Variants in EIF4G2 observed in about 807,000 individuals in gnomAD.
EIF4G2 encodes the protein DAP-5.
Under a neutral mutation model 117.7 loss-of-function variants are expected in EIF4G2, and 8 were observed. That is an observed-to-expected ratio of 0.07 (90% CI 0.04 to 0.12). EIF4G2 has a LOEUF of 0.12. Among genes scored for constraint, EIF4G2 ranks in the 10% least tolerant of loss-of-function variants. The pLI is 1.00. For missense variants in EIF4G2, 812 were observed against 1,086.2 expected (o/e 0.75, Z 3.55); for synonymous variants, 413 against 367.8 (o/e 1.12, Z -1.41).
At chr11:10,799,478 GAC>G in intron 19 of EIF4G2, 54 bp from the exon 20 acceptor site, 1 of 1,610,286 alleles carries the variant, frequency 6.2e-7, no homozygotes, top group Non-Finnish European at 8.5e-7. Flanking sequence ...TTGCTCAAGA[GAC>G]AACTCTTAGT....
chr11:10,798,382 TA>T (rs1332616220), intron 21 of EIF4G2, among the ~76,000 whole-genome samples: 3 of 152,170 alleles, frequency 2.0e-5, no homozygotes, highest in African/African-American at 7.2e-5. Context: ...TAGAAAAATA[TA>T]TAGTATTTAA....
Position 10,799,365 on chromosome 11 carries a change from G to A in EIF4G2, c.2384C>T (p.Ser795Phe), listed in dbSNP as rs1308273204. ...CTCTAACTGTTCTTTGGAAGGAGCA[G>A]AGGATGAATCTGTTTCATCGCTGGG... Residue 795 changes from serine to phenylalanine, a missense_variant, in exon 20 of 22, where the codon TCT becomes TTT. By Grantham distance (155) the Ser-to-Phe change is radical. Coordinates refer to ENST00000339995, the MANE Select transcript of EIF4G2 (RefSeq NM_001418.4). 6.2e-7 allele frequency: 1 copy of A among 1,613,168 alleles called. No homozygotes were observed. The highest frequency in any genetic ancestry group is 8.5e-7 in the Non-Finnish European group (1 of 1,180,030).
rs752634255 is a variant in EIF4G2 at position 10,800,058 on chromosome 11, A to G, written c.2119+32T>C. The G allele has an allele frequency of 1.4e-5, 22 of 1,598,406 alleles. No homozygotes were observed. The East Asian group carries it at 4.7e-4, about 34-fold the overall frequency. On this transcript the variant is annotated intron_variant, in intron 18 of 21. Transcript: ENST00000339995. ...TGAAATCTCTAGATATAATATTAAA[A>G]AAACAAAACAAACAAGTCAGCATTC...
In EIF4G2 at chr11:10,808,270, T is replaced by C. The variant is rs956308618; in HGVS notation, c.-87+435A>G. ...GGCAGCCCCTGCCGACTCCAGGTCC[T>C]ACACACCTCCCCGCCGGGAGGCCAG... On this transcript the variant is annotated intron_variant, in intron 1 of 21. Coordinates refer to ENST00000339995, the MANE Select transcript of EIF4G2 (RefSeq NM_001418.4). 8 of 1,214,384 alleles carry C rather than the reference T, an allele frequency of 6.6e-6. No individual in the cohort carries two copies. In the African/African-American group the frequency reaches 1.3e-4, roughly 20 times the overall value. The allele number at this position is 1,214,384 out of a possible 1,614,324, so 75.2% of individuals were successfully genotyped here. A position where few individuals can be genotyped will look rare whatever the true frequency, so the allele number is the denominator to read the frequency against.
Position 10,800,190 on chromosome 11 carries a change from G to A in EIF4G2, c.2019C>T (p.Leu673=). 6.2e-7 allele frequency: 1 copy of A among 1,614,192 alleles called. No homozygotes were observed. The highest frequency in any genetic ancestry group is 8.5e-7 in the Non-Finnish European group (1 of 1,180,030). The change falls in exon 18 of 22, where the codon CTC becomes CTT. Residue 673 remains leucine, a synonymous_variant. Coordinates refer to ENST00000339995, the MANE Select transcript of EIF4G2 (RefSeq NM_001418.4). ...CTAACTGCTGAAGACAAAGTAGGAA[G>A]AGAGGAAAATGGGTGCCACTTTCTA...
intron 1 of EIF4G2, chr11:10,808,035 C>T (rs1233862018): frequency 1.9e-6 from 2 of 1,029,260 alleles, no homozygotes; most frequent in Non-Finnish European, 2.3e-6. Context: ...GGTCGCTCGA[C>T]GGGGAGGAGC....
Position 10,800,659 on chromosome 11 carries a change from A to G in EIF4G2, c.1645-12T>C, listed in dbSNP as rs769244898. 6.2e-7 allele frequency: 1 copy of G among 1,614,084 alleles called. No homozygotes were observed. Among genetic ancestry groups the G allele is most frequent in the Non-Finnish European group, 8.5e-7 (1 of 1,179,988 alleles). On this transcript the variant is annotated splice_polypyrimidine_tract_variant and intron_variant, in intron 16 of 21. Transcript: ENST00000339995. Reference sequence around the variant, plus strand: ...GTCACAACAGTTTCCTGTGAAGAACACAAGTATCTTTAATGTATTCTCTAT... The same window carrying G: ...GTCACAACAGTTTCCTGTGAAGAACGCAAGTATCTTTAATGTATTCTCTAT...
intron 14 of EIF4G2, 46 bp from the exon 15 acceptor site, chr11:10,801,133 G>A: frequency 6.2e-7 from 1 of 1,609,314 alleles, no homozygotes; most frequent in Non-Finnish European, 8.5e-7. Context: ...CATGCAGTTG[G>A]CGAACATATT....
Position 10,803,450 on chromosome 11 carries a change from T to C in EIF4G2, c.813+30A>G. On this transcript the variant is annotated intron_variant, in intron 9 of 21. Coordinates refer to ENST00000339995, the MANE Select transcript of EIF4G2 (RefSeq NM_001418.4). This position sits in a 1 kb window ranked among gnomAD's most constrained non-coding sequence, Gnocchi z 4.0. The stretch of plus-strand genomic sequence containing the variant: ...ATAGCTTGATTTAAAGACAAACTAC[T>C]TGTACTACTTTCATCAGCTACACAC... 1.3e-6 allele frequency: 2 copies of C among 1,595,844 alleles called. No homozygotes were observed. Among genetic ancestry groups the C allele is most frequent in the East Asian group, 2.2e-5 (1 of 44,792 alleles).
chr11:10,804,818 G>C, intron 5 of EIF4G2, 95 bp downstream of exon 5: 1 of 1,017,148 alleles, frequency 9.8e-7, no homozygotes, highest in Non-Finnish European at 1.5e-6. Flanking sequence ...CACACCTAAG[G>C]GTTTTAAGTA....
rs1847479662 is a variant in EIF4G2, at chr11:10,803,351, A to G, written c.814-57T>C. On this transcript the variant is annotated intron_variant, in intron 9 of 21. Coordinates refer to ENST00000339995, the MANE Select transcript of EIF4G2 (RefSeq NM_001418.4). The surrounding 1 kb of genome is among the most constrained non-coding windows in gnomAD (Gnocchi z 4.0). Reference sequence around the variant, plus strand: ...GCTAAAGCAAATGTGTTCAATTTACAGCTTTAAGACTTCTAAAATTATAAC... The same window carrying G: ...GCTAAAGCAAATGTGTTCAATTTACGGCTTTAAGACTTCTAAAATTATAAC... 6.3e-7 allele frequency: 1 copy of G among 1,592,388 alleles called. No homozygotes were observed. Among genetic ancestry groups the G allele is most frequent in the Admixed American group, 1.7e-5 (1 of 58,648 alleles).
rs183715890 is a variant in EIF4G2 at position 10,802,476 on chromosome 11, A to C, written c.997-41T>G. On this transcript the variant is annotated intron_variant, in intron 11 of 21. Transcript: ENST00000339995. ...GAATATGCACTTTTTGTCTCTGGAC[A>C]CTATTTCACTTAAAACTAAAATTCT... 103 of 1,500,998 alleles carry C rather than the reference A, an allele frequency of 6.9e-5. No individual in the cohort carries two copies. In the East Asian group the frequency reaches 2.3e-3, roughly 34 times the overall value. The allele number at this position is 1,500,998 out of a possible 1,614,324, so 93.0% of individuals were successfully genotyped here.
chr11:10,805,852 A>G, intron 4 of EIF4G2, 55 bp downstream of exon 4: 2 of 1,612,092 alleles, frequency 1.2e-6, no homozygotes, highest in Non-Finnish European at 1.7e-6. Context: ...CACACACACC[A>G]AACACAGCTA....
chr11:10,808,716 A>T lies in EIF4G2; in HGVS notation c.-98T>A, dbSNP rs1847670809. ...GCGGCTCAACTCACCTTCACCGAGAACTCAGCAGCTGCCACCGCAGCTGCC... is the reference window on the plus strand; with the variant it reads ...GCGGCTCAACTCACCTTCACCGAGATCTCAGCAGCTGCCACCGCAGCTGCC... On this transcript the variant is annotated 5_prime_UTR_variant, in exon 1 of 22. Transcript: ENST00000339995. The T allele has an allele frequency of 5.7e-6, 1 of 175,464 alleles. No individual in the cohort carries two copies. The highest frequency in any genetic ancestry group is 2.4e-5 in the African/African-American group (1 of 41,280). The allele number at this position is 175,464 out of a possible 1,614,324, so 10.9% of individuals were successfully genotyped here.
chr11:10,807,679 G>A, intron 1 of EIF4G2: 31 of 1,011,160 alleles, frequency 3.1e-5, no homozygotes, highest in South Asian at 4.3e-5. Context: ...GAGATCAATA[G>A]AAAAGTCTAA....
At chr11:10,806,089 C>T in intron 3 of EIF4G2, 42 bp from the exon 4 acceptor site, 1 of 1,611,438 alleles carries the variant, frequency 6.2e-7, no homozygotes, top group Non-Finnish European at 8.5e-7. Context: ...TGTCACACAC[C>T]AAATGTTAAA....
Position 10,801,108 on chromosome 11 carries a change from T to C in EIF4G2, c.1414-21A>G, listed in dbSNP as rs916990902. 4 of 1,613,324 alleles carry C rather than the reference T, an allele frequency of 2.5e-6. No homozygotes were observed. In the African/African-American group the frequency reaches 5.3e-5, roughly 22 times the overall value. On this transcript the variant is annotated intron_variant, in intron 14 of 21. Transcript: ENST00000339995. ...CTAATCTGGAATTGAAAACAAAATATATCTAAATTAACAACATGCAGTTGG... is the reference window on the plus strand; with the variant it reads ...CTAATCTGGAATTGAAAACAAAATACATCTAAATTAACAACATGCAGTTGG...
chr11:10,808,848 C>T lies in EIF4G2; in HGVS notation c.-230G>A, dbSNP rs548372481. ...GGAAGGAGTCGGGGACGGCCTCAAA[C>T]TCAGCTCAGAGGAGTCGCTGCTGCA... is the stretch of plus-strand genomic sequence containing the variant. On this transcript the variant is annotated 5_prime_UTR_variant, in exon 1 of 22. Coordinates refer to ENST00000339995, the MANE Select transcript of EIF4G2 (RefSeq NM_001418.4). 1 of 172,434 alleles carries T rather than the reference C, an allele frequency of 5.8e-6. No homozygotes were observed. The highest frequency in any genetic ancestry group is 6.5e-5 in the Admixed American group (1 of 15,458). The allele number at this position is 172,434 out of a possible 1,614,324, so 10.7% of individuals were successfully genotyped here.
rs1847446858 is a variant in EIF4G2 at position 10,802,363 on chromosome 11, T to C, written c.1069A>G (p.Met357Val). 1.2e-6 allele frequency: 2 copies of C among 1,614,058 alleles called. No individual in the cohort carries two copies. The highest frequency in any genetic ancestry group is 1.3e-5 in the African/African-American group (1 of 75,038). Residue 357 changes from methionine to valine, a missense_variant, in exon 12 of 22, where the codon ATG becomes GTG. Physicochemically the swap from Met to Val is conservative, Grantham distance 21. Coordinates refer to ENST00000339995, the MANE Select transcript of EIF4G2 (RefSeq NM_001418.4). ...CTATCCATTTTCATCCTGGGTGGCA[T>C]GAACGGTCCCTCCAGAAAGAAGTCA...
Sources: allele counts gnomAD v4.1 joint callset (sites outside exome capture counted in the v4.1 genomes callset), GRCh38; gene constraint gnomAD v4.1.1; non-coding constraint Gnocchi (gnomAD v3.1); transcripts MANE v1.5; gene names NCBI Gene and HGNC (gene_info 2026-07-23, HGNC 2026-07-21).